DSE: variants seen among roughly 807,000 people sequenced by gnomAD.
DSE encodes dermatan sulfate epimerase.
Under a neutral mutation model 84.4 loss-of-function variants are expected in DSE, and 36 were observed. That is an observed-to-expected ratio of 0.43 (90% CI 0.33 to 0.56). The LOEUF (loss-of-function observed/expected upper bound fraction) is 0.56, where lower values mean the gene tolerates loss of function less well. DSE is among the 20% of genes least tolerant of loss of function. The probability of loss-of-function intolerance (pLI) is 0.06; values close to 1 mark genes in which losing one functional copy is unlikely to be tolerated. For synonymous variants in DSE, 410 were observed against 430.1 expected, an observed-to-expected ratio of 0.95 and a Z score of 0.58; for missense variants, 862 against 1,169.6, an observed-to-expected ratio of 0.74 and a Z score of 3.84.
chr6:116,325,286 G>T (rs1583020996), intron 2 of DSE, among the ~76,000 whole-genome samples: 1 of 152,198 alleles, frequency 6.6e-6, no homozygotes, highest in African/African-American at 2.4e-5. Flanking sequence ...CCCCATGTCT[G>T]GGGTGAAACC....
In DSE at chr6:116,436,048, C is replaced by T; in HGVS notation, c.1580C>T (p.Ala527Val). 1 of 1,614,010 alleles carries T rather than the reference C, an allele frequency of 6.2e-7. No individual in the cohort carries two copies. Among genetic ancestry groups the T allele is most frequent in the Non-Finnish European group, 8.5e-7 (1 of 1,180,014 alleles). ...GCTAGTTGTCAGGGGAGGGTGGTTG[C>T]AGCAGAGGAGAAAAATGGGGTGGTT... ...LAASCQGRVVAAEEKNGVVFI... is the reference protein window; with the variant it reads ...LAASCQGRVVVAEEKNGVVFI... The change falls in exon 6 of 6, where the codon GCA (alanine) becomes GTA (valine). Residue 527 changes from alanine (A) to valine (V), a missense_variant. Around this residue, in one of 4 missense-constraint regions of DSE, gnomAD observed 186 missense variants for 255.1 expected, o/e 0.73. Coordinates refer to ENST00000644252, the MANE Select transcript of DSE (RefSeq NM_013352.4).
At chr6:116,286,541 T>C (rs1415947904) in intron 2 of DSE, among the ~76,000 whole-genome samples, 1 of 152,204 alleles carries the variant, frequency 6.6e-6, no homozygotes, top group African/African-American at 2.4e-5. Flanking sequence ...AAAGAGTCTT[T>C]ACTTTCCTTA....
chr6:116,275,725 G>C (rs186634946), intron 2 of DSE, among the ~76,000 whole-genome samples: 168 of 152,078 alleles, frequency 1.1e-3, no homozygotes, highest in African/African-American at 3.9e-3. Context: ...GCTTGAAACC[G>C]GGAGGCGGAA....
At chr6:116,394,029 T>C (rs1165162213) in intron 1 of DSE, among the ~76,000 whole-genome samples, 2 of 151,938 alleles carry the variant, frequency 1.3e-5, no homozygotes, top group Non-Finnish European at 2.9e-5. Context: ...TTAATGTTAT[T>C]GAACATTCTC....
intron 2 of DSE, among the ~76,000 whole-genome samples, chr6:116,353,929 G>C (rs1397489827): frequency 1.3e-5 from 2 of 152,034 alleles, no homozygotes. Context: ...CATATACTGA[G>C]ACTCTTAGAA....
chr6:116,440,552 C>A lies in DSE; in HGVS notation c.*3207C>A, dbSNP rs574569993. 1.3e-5 allele frequency: 2 copies of A among 152,274 alleles called. No homozygotes were observed. Among genetic ancestry groups the A allele is most frequent in the Admixed American group, 6.5e-5 (1 of 15,300 alleles). The allele number at this position is 152,274 out of a possible 1,614,324, so 9.4% of individuals were successfully genotyped here. ...TTAAGAGAAAGCAAGCTATGAAATG[C>A]TATATTTGTAGGCTTAAAAGTAAAT... On this transcript the variant is annotated 3_prime_UTR_variant, in exon 6 of 6. Coordinates refer to ENST00000644252, the MANE Select transcript of DSE (RefSeq NM_013352.4).
chr6:116,418,944 G>A (rs918109411), intron 2 of DSE, among the ~76,000 whole-genome samples: 15 of 152,334 alleles, frequency 9.8e-5, no homozygotes, highest in Middle Eastern at 3.4e-3. Flanking sequence ...AATGTACTTA[G>A]AGGCTTGGGC....
At chr6:116,321,337 A>ATTTT (rs66863151) in intron 2 of DSE, among the ~76,000 whole-genome samples, 3 of 115,554 alleles carry the variant, frequency 2.6e-5, no homozygotes, top group African/African-American at 3.6e-5. Context: ...CTAATTTTTC[A>ATTTT]TTTTTTTTTT....
In DSE at chr6:116,437,689, A is replaced by G; in HGVS notation, c.*344A>G. ...AAAGGTTTAGATAGAATTGGGTTTT[A>G]TTAATATTAATTTAATGCTATTAGC... On this transcript the variant is annotated 3_prime_UTR_variant, in exon 6 of 6. Transcript: ENST00000644252. 5.9e-6 allele frequency: 1 copy of G among 168,454 alleles called. No homozygotes were observed. The highest frequency in any genetic ancestry group is 1.3e-5 in the Non-Finnish European group (1 of 79,122). The allele number at this position is 168,454 out of a possible 1,614,324, so 10.4% of individuals were successfully genotyped here. A position where few individuals can be genotyped will look rare whatever the true frequency, so the allele number is the denominator to read the frequency against.
At chr6:116,398,488 C>A (rs1781389382) in intron 1 of DSE, among the ~76,000 whole-genome samples, 1 of 152,146 alleles carries the variant, frequency 6.6e-6, no homozygotes, top group Admixed American at 6.5e-5. Context: ...CCTTTTAATT[C>A]TGGGATTTTA....
At chr6:116,258,547 A>G (rs1191926208) in exon 2 of DSE, 1 of 1,450,054 alleles carries the variant, frequency 6.9e-7, no homozygotes, top group East Asian at 2.3e-5. Context: ...CTTCTTCTTA[A>G]TGGCATAGGA....
chr6:116,404,400 C>T (rs1388327036), intron 2 of DSE, among the ~76,000 whole-genome samples: 1 of 152,212 alleles, frequency 6.6e-6, no homozygotes, highest in Non-Finnish European at 1.5e-5. Context: ...TAGAATTATA[C>T]AGCATCCATT....
intron 2 of DSE, among the ~76,000 whole-genome samples, chr6:116,318,155 A>G (rs1055977413): frequency 1.3e-5 from 2 of 152,200 alleles, no homozygotes; most frequent in African/African-American, 4.8e-5. Context: ...CATTTCTTGT[A>G]GCATTATAAT....
chr6:116,372,428 A>G (rs548912141), intron 1 of DSE, among the ~76,000 whole-genome samples: 57 of 152,372 alleles, frequency 3.7e-4, no homozygotes, highest in African/African-American at 1.3e-3. Context: ...AGATTGCGCC[A>G]CTGCTCTCCA....
intron 2 of DSE, among the ~76,000 whole-genome samples, chr6:116,290,121 G>A (rs1774187856): frequency 1.3e-5 from 2 of 152,052 alleles, no homozygotes; most frequent in Admixed American, 6.6e-5. Flanking sequence ...AATAAGTAAT[G>A]GAGTATGGAT....
intron 2 of DSE, among the ~76,000 whole-genome samples, chr6:116,284,915 A>G (rs1247307892): frequency 6.6e-6 from 1 of 152,016 alleles, no homozygotes; most frequent in Non-Finnish European, 1.5e-5. Flanking sequence ...AATCCAGTCT[A>G]TCATTGATGG....
intron 2 of DSE, among the ~76,000 whole-genome samples, chr6:116,421,473 T>C (rs1318481603): frequency 1.9e-5 from 2 of 106,782 alleles, no homozygotes; most frequent in African/African-American, 5.0e-5. Context: ...ATTTTTTTTT[T>C]TTTTTTTTTT....
intron 2 of DSE, among the ~76,000 whole-genome samples, chr6:116,274,473 G>A (rs769648685): frequency 1.3e-4 from 20 of 151,882 alleles, no homozygotes; most frequent in Non-Finnish European, 2.2e-4. Context: ...TGAGGCAGGA[G>A]AATCGCTTGA....
intron 2 of DSE, among the ~76,000 whole-genome samples, chr6:116,308,844 A>AT (rs1775501277): frequency 6.6e-6 from 1 of 151,946 alleles, no homozygotes; most frequent in African/African-American, 2.4e-5. Flanking sequence ...TGCCCAGCTA[A>AT]TTTTTTGTGC....
Sources: allele counts gnomAD v4.1 joint callset (sites outside exome capture counted in the v4.1 genomes callset), GRCh38; gene constraint gnomAD v4.1.1; regional missense constraint gnomAD v4.1.1; transcripts MANE v1.5; gene names NCBI Gene and HGNC (gene_info 2026-07-23, HGNC 2026-07-21).